Variants in TMEM131 observed in about 807,000 individuals in gnomAD.
TMEM131 encodes the protein 2610524E03Rik.
A neutral mutation model predicts 211.6 loss-of-function variants in TMEM131; 66 were observed. The observed-to-expected ratio is 0.31, with a 90% CI of 0.26 to 0.38. The LOEUF is 0.38. TMEM131 is among the 10% of genes least tolerant of loss of function. The pLI, the probability that TMEM131 is intolerant of heterozygous loss-of-function variation, is 1.00. For missense variants in TMEM131, 2,036 were observed against 2,299.3 expected (o/e 0.89, Z 2.34); for synonymous variants, 844 against 841.3 (o/e 1.00, Z -0.06).
chr2:97,815,791 A>G (rs1485649957), intron 12 of TMEM131, among the ~76,000 whole-genome samples: 1 of 152,144 alleles, frequency 6.6e-6, no homozygotes, highest in Non-Finnish European at 1.5e-5. Context: ...ATCCCCTTGG[A>G]GGCAAAATTA....
Position 97,827,596 on chromosome 2 carries a change from T to C in TMEM131, c.1074+5769A>G. 3 of 923,898 alleles carry C rather than the reference T, an allele frequency of 3.2e-6. No individual in the cohort carries two copies. In the South Asian group the frequency reaches 3.9e-5, roughly 12 times the overall value. 57.2% of individuals were successfully genotyped at this position (923,898 alleles called of 1,614,324 possible). A position where few individuals can be genotyped will look rare whatever the true frequency, so the allele number is the denominator to read the frequency against. ...TCAGTGGTCCCTGTCTCCCTTCTTG[T>C]ACAATCCAGAGGAATATTTTTATCA... On this transcript the variant is annotated intron_variant, in intron 11 of 40. Transcript: ENST00000186436.
intron 4 of TMEM131, 84 bp from the exon 5 acceptor site, chr2:97,859,511 T>TTG: frequency 8.3e-7 from 1 of 1,203,106 alleles, no homozygotes; most frequent in Non-Finnish European, 1.1e-6. Context: ...ATCAAAATTG[T>TTG]TAGACAAATA....
intron 32 of TMEM131, among the ~76,000 whole-genome samples, chr2:97,773,643 T>C (rs1423552183): frequency 1.4e-5 from 2 of 146,382 alleles, no homozygotes; most frequent in African/African-American, 5.0e-5. Flanking sequence ...TCTACTCATG[T>C]ATTATGTGTG....
intron 35 of TMEM131, chr2:97,765,096 C>T (rs1250676299): frequency 6.6e-6 from 1 of 152,316 alleles, no homozygotes; most frequent in Non-Finnish European, 1.5e-5. Flanking sequence ...AAGCATCCCA[C>T]CTGGACACAC....
intron 4 of TMEM131, among the ~76,000 whole-genome samples, chr2:97,861,512 C>T (rs1413782232): frequency 6.6e-6 from 1 of 151,852 alleles, no homozygotes; most frequent in Non-Finnish European, 1.5e-5. Context: ...AGTCCCAGAC[C>T]TGGCAGCATT....
rs1305265846 is a variant in TMEM131, at chr2:97,759,645, C to T, written c.5206+7G>A. On this transcript the variant is annotated splice_region_variant and intron_variant, in intron 39 of 40. Transcript: ENST00000186436. The stretch of plus-strand genomic sequence containing the variant: ...TATTAGTTACACATCTAGTGTTAAA[C>T]ACTCACCACCAGTTAGATTAAAAGA... The T allele has an allele frequency of 1.2e-6, 2 of 1,607,414 alleles. No individual in the cohort carries two copies. The highest frequency in any genetic ancestry group is 1.3e-5 in the African/African-American group (1 of 74,804).
At chr2:97,818,481 G>GGGAAA (rs796772650) in intron 12 of TMEM131, 132 bp downstream of exon 12, 34 of 293,240 alleles carry the variant, frequency 1.2e-4, no homozygotes, top group Non-Finnish European at 1.8e-4. Flanking sequence ...GGCGGGGGGG[G>GGGAAA]ATCAACCTAA....
chr2:97,760,413 A>G lies in TMEM131; in HGVS notation c.5108+180T>C, dbSNP rs1233037033. On this transcript the variant is annotated intron_variant, in intron 38 of 40. Transcript: ENST00000186436. ...CTGGACCCCCTGGGGAAGGCACCGC[A>G]GCCGGCTTTCTGCTTCCACCCAGCA... 6.3e-6 allele frequency: 4 copies of G among 630,788 alleles called. No homozygotes were observed. The African/African-American group carries it at 7.3e-5, about 12-fold the overall frequency. 39.1% of individuals were successfully genotyped at this position (630,788 alleles called of 1,614,324 possible).
At chr2:97,781,653 C>A (rs567147307) in intron 31 of TMEM131, among the ~76,000 whole-genome samples, 1 of 152,268 alleles carries the variant, frequency 6.6e-6, no homozygotes, top group Admixed American at 6.5e-5. Context: ...TTTCCTTATT[C>A]TTCCTGCCAA....
intron 3 of TMEM131, among the ~76,000 whole-genome samples, chr2:97,888,363 G>T (rs925092431): frequency 2.0e-5 from 3 of 152,140 alleles, no homozygotes; most frequent in Admixed American, 6.5e-5. Context: ...AAAATGCTCA[G>T]GCAGACTGAA....
intron 1 of TMEM131, among the ~76,000 whole-genome samples, chr2:97,929,695 AC>A (rs1305719267): frequency 3.3e-5 from 5 of 151,818 alleles, no homozygotes; most frequent in Admixed American, 1.3e-4. Flanking sequence ...GACAGTGCCA[AC>A]CTGCTCCACT....
At chr2:97,855,331 G>A (rs1673795049) in intron 5 of TMEM131, among the ~76,000 whole-genome samples, 1 of 152,132 alleles carries the variant, frequency 6.6e-6, no homozygotes, top group Non-Finnish European at 1.5e-5. Flanking sequence ...CAGTCAACCT[G>A]GCAAATCTGT....
At chr2:97,851,748 G>A (rs1175184722) in intron 5 of TMEM131, among the ~76,000 whole-genome samples, 1 of 152,134 alleles carries the variant, frequency 6.6e-6, no homozygotes, top group Non-Finnish European at 1.5e-5. Context: ...AGCTTAAATC[G>A]AAAAATGTTA....
intron 1 of TMEM131, among the ~76,000 whole-genome samples, chr2:97,978,271 T>C (rs1273566843): frequency 6.6e-6 from 1 of 152,202 alleles, no homozygotes; most frequent in East Asian, 1.9e-4. Context: ...AAGTTGATAA[T>C]ACCCTGAATC....
At chr2:97,991,508 A>G (rs1680264208) in intron 1 of TMEM131, among the ~76,000 whole-genome samples, 1 of 152,132 alleles carries the variant, frequency 6.6e-6, no homozygotes, top group African/African-American at 2.4e-5. Context: ...AAAACTGAAA[A>G]CTGGAGGTGG....
At chr2:97,926,664 C>T (rs1010055551) in intron 2 of TMEM131, among the ~76,000 whole-genome samples, 3 of 152,172 alleles carry the variant, frequency 2.0e-5, no homozygotes, top group Non-Finnish European at 4.4e-5. Context: ...CCTGTCCAAG[C>T]ATCTGAGCAG....
At chr2:97,984,342 G>C (rs1229762982) in intron 1 of TMEM131, among the ~76,000 whole-genome samples, 2 of 151,530 alleles carry the variant, frequency 1.3e-5, no homozygotes, top group East Asian at 3.9e-4. Context: ...AAGTTTTCTT[G>C]GTATTTTTTT....
intron 2 of TMEM131, among the ~76,000 whole-genome samples, chr2:97,909,495 C>T (rs1676208692): frequency 6.6e-6 from 1 of 152,044 alleles, no homozygotes; most frequent in Admixed American, 6.6e-5. Context: ...AAGTTGGAGG[C>T]AACAGCTGTA....
intron 4 of TMEM131, among the ~76,000 whole-genome samples, chr2:97,884,682 T>G (rs1675069498): frequency 6.6e-6 from 1 of 152,250 alleles, no homozygotes; most frequent in African/African-American, 2.4e-5. Context: ...CCTTCTTTGT[T>G]GCTTTTTATA....
Sources: allele counts gnomAD v4.1 joint callset (sites outside exome capture counted in the v4.1 genomes callset), GRCh38; gene constraint gnomAD v4.1.1; transcripts MANE v1.5; gene names NCBI Gene and HGNC (gene_info 2026-07-23, HGNC 2026-07-21).